Variants in LOXL4 observed in about 807,000 individuals in gnomAD.
LOXL4 encodes the protein lysyl oxidase homolog 4.
LOXL4 carries 72 observed loss-of-function variants against 89.1 expected under a neutral mutation model. The observed-to-expected ratio is 0.81, with a 90% CI of 0.67 to 0.98. LOXL4 has a LOEUF of 0.98. Among genes scored for constraint, LOXL4 ranks in the 50% least tolerant of loss-of-function variants. The probability of loss-of-function intolerance (pLI) is 0.00; values close to 1 mark genes in which losing one functional copy is unlikely to be tolerated. For missense variants in LOXL4, 984 were observed against 1,017.5 expected (o/e 0.97, Z 0.45); for synonymous variants, 355 against 392.1 (o/e 0.91, Z 1.12).
chr10:98,259,551 T>A, intron 4 of LOXL4, 122 bp from the exon 5 acceptor site: 1 of 853,716 alleles, frequency 1.2e-6, no homozygotes, highest in Non-Finnish European at 1.9e-6. Flanking sequence ...ACTTATTCAC[T>A]AATCTGATTT....
chr10:98,265,620 A>G (rs1225358367), intron 1 of LOXL4, among the ~76,000 whole-genome samples: 1 of 137,728 alleles, frequency 7.3e-6, no homozygotes, highest in Non-Finnish European at 1.6e-5. Context: ...CAGTTCTTGA[A>G]CTCCTGACCT....
In LOXL4 at chr10:98,265,306, T is replaced by C. The variant is rs950381421; in HGVS notation, c.-32-2255A>G. Among the ~76,000 whole-genome samples the C allele has an allele frequency of 3.3e-5, 5 of 152,102 alleles. No homozygotes were observed. In the East Asian group the frequency reaches 9.6e-4, roughly 29 times the overall value. The stretch of plus-strand genomic sequence containing the variant: ...TAATAATAGTAACTACCTCATAGGA[T>C]TTTTGTAAAGATTAAGTGAAGAAAC... On this transcript the variant is annotated intron_variant, in intron 1 of 14. Transcript: ENST00000260702.
chr10:98,267,284 C>T (rs1171198773), intron 1 of LOXL4, among the ~76,000 whole-genome samples: 6 of 152,026 alleles, frequency 3.9e-5, no homozygotes, highest in Non-Finnish European at 7.4e-5. Context: ...TGACCCAGGC[C>T]GTGGTGTGAG....
At chr10:98,258,562 C>A (rs1858448791) in intron 6 of LOXL4, among the ~76,000 whole-genome samples, 2 of 151,806 alleles carry the variant, frequency 1.3e-5, no homozygotes, top group African/African-American at 4.8e-5. Flanking sequence ...GTCTGTACCA[C>A]CTCACGAGGC....
intron 14 of LOXL4, among the ~76,000 whole-genome samples, chr10:98,250,100 G>A (rs1858145699): frequency 6.6e-6 from 1 of 152,172 alleles, no homozygotes; most frequent in Non-Finnish European, 1.5e-5. Context: ...GAAAACTCAG[G>A]TCGTGATTTC....
intron 14 of LOXL4, 140 bp downstream of exon 14, chr10:98,250,925 G>T (rs768536931): frequency 2.8e-5 from 18 of 639,064 alleles, no homozygotes; most frequent in African/African-American, 9.1e-5. Flanking sequence ...CAAAGGAAAT[G>T]CATCTCTGTT....
intron 10 of LOXL4, among the ~76,000 whole-genome samples, chr10:98,254,538 G>A (rs933032151): frequency 5.3e-5 from 8 of 152,218 alleles, no homozygotes; most frequent in Non-Finnish European, 7.3e-5. Context: ...GAAAGAAGGC[G>A]AGCTTTCAGA....
chr10:98,264,740 G>A (rs1031011760), intron 1 of LOXL4, among the ~76,000 whole-genome samples: 3 of 152,182 alleles, frequency 2.0e-5, no homozygotes, highest in Non-Finnish European at 2.9e-5. Context: ...TGGAGCCACC[G>A]AAGCTGAAGC....
intron 12 of LOXL4, chr10:98,252,064 C>T: frequency 6.2e-6 from 3 of 483,662 alleles, no homozygotes; most frequent in Non-Finnish European, 1.1e-5. Flanking sequence ...GCAGGCAATG[C>T]TTGCCCTCGG....
intron 8 of LOXL4, 33 bp downstream of exon 8, chr10:98,257,617 C>A: frequency 6.2e-7 from 1 of 1,601,278 alleles, no homozygotes; most frequent in South Asian, 1.1e-5. Context: ...TTCCCGGCCC[C>A]CAGCCTGAGG....
Position 98,248,867 on chromosome 10 carries a change from A to G in LOXL4, c.*54T>C, listed in dbSNP as rs1410992983. ...GGACTCTGTGAAGGGCATGGCTCCAATAAGCTGAGGTATCTGGTGTATCGG... is the reference window on the plus strand; with the variant it reads ...GGACTCTGTGAAGGGCATGGCTCCAGTAAGCTGAGGTATCTGGTGTATCGG... On this transcript the variant is annotated 3_prime_UTR_variant, in exon 15 of 15. Coordinates refer to ENST00000260702, the MANE Select transcript of LOXL4 (RefSeq NM_032211.7). 5.9e-6 allele frequency: 9 copies of G among 1,512,888 alleles called. No individual in the cohort carries two copies. The highest frequency in any genetic ancestry group is 4.1e-5 in the African/African-American group (3 of 73,124). The allele number at this position is 1,512,888 out of a possible 1,614,324, so 93.7% of individuals were successfully genotyped here. A position where few individuals can be genotyped will look rare whatever the true frequency, so the allele number is the denominator to read the frequency against.
intron 8 of LOXL4, 27 bp from the exon 9 acceptor site, chr10:98,256,974 G>C: frequency 6.2e-7 from 1 of 1,608,876 alleles, no homozygotes; most frequent in Non-Finnish European, 8.5e-7. Context: ...TGTGTGAGGA[G>C]TGGGGTAGCC....
chr10:98,248,960 G>T lies in LOXL4; in HGVS notation c.2232C>A (p.Ser744=), dbSNP rs1858112411. The T allele has an allele frequency of 6.2e-7, 1 of 1,614,028 alleles. No homozygotes were observed. Among genetic ancestry groups the T allele is most frequent in the African/African-American group, 1.3e-5 (1 of 75,054 alleles). The change falls in exon 15 of 15, where the codon TCC becomes TCA. Residue 744 remains serine (S), a synonymous_variant. Transcript: ENST00000260702. ...GNSYPANAEL[S]LEQEQRLRNN... The stretch of plus-strand genomic sequence containing the variant: ...TCCTGAGACGCTGTTCCTGCTCCAG[G>T]GAGAGTTCTGCATTGGCTGGGTATG...
intron 10 of LOXL4, 81 bp from the exon 11 acceptor site, chr10:98,253,877 G>A (rs2135828004): frequency 6.4e-7 from 1 of 1,573,774 alleles, no homozygotes. Flanking sequence ...GGGCAAGCTT[G>A]CCCCCAGATT....
intron 4 of LOXL4, 37 bp downstream of exon 4, chr10:98,260,885 C>T (rs774309727): frequency 6.4e-7 from 1 of 1,565,958 alleles, no homozygotes; most frequent in African/African-American, 1.4e-5. Context: ...CCCCACAACC[C>T]TGCCTCCTGT....
intron 11 of LOXL4, among the ~76,000 whole-genome samples, 188 bp from the exon 12 acceptor site, chr10:98,252,656 G>A (rs1322650436): frequency 6.6e-6 from 1 of 152,184 alleles, no homozygotes; most frequent in African/African-American, 2.4e-5. Flanking sequence ...ACCCCTGCCA[G>A]GCAGCAAGTA....
intron 12 of LOXL4, 81 bp downstream of exon 12, chr10:98,252,272 C>T: frequency 9.2e-7 from 1 of 1,085,624 alleles, no homozygotes; most frequent in Non-Finnish European, 1.4e-6. Flanking sequence ...CTGAACAGGG[C>T]AGAGAGAAAG....
Position 98,251,551 on chromosome 10 carries a change from C to A in LOXL4, c.2088+15G>T. 3 of 1,613,208 alleles carry A rather than the reference C, an allele frequency of 1.9e-6. No individual in the cohort carries two copies. Among genetic ancestry groups the A allele is most frequent in the Non-Finnish European group, 2.5e-6 (3 of 1,179,490 alleles). On this transcript the variant is annotated intron_variant, in intron 13 of 14. Coordinates refer to ENST00000260702, the MANE Select transcript of LOXL4 (RefSeq NM_032211.7). ...AGGAAATCAGGCTCTGTGGGGAATCCCCCAGCCGCCTTACCTGGAAGATAT... is the reference window on the plus strand; with the variant it reads ...AGGAAATCAGGCTCTGTGGGGAATCACCCAGCCGCCTTACCTGGAAGATAT...
chr10:98,256,949 T>C lies in LOXL4; in HGVS notation c.1261-2A>G, dbSNP rs1425069009. 3 of 1,613,526 alleles carry C rather than the reference T, an allele frequency of 1.9e-6. No homozygotes were observed. The Admixed American group carries it at 5.0e-5, about 27-fold the overall frequency. On this transcript the variant is annotated splice_acceptor_variant, in intron 8 of 14. Coordinates refer to ENST00000260702, the MANE Select transcript of LOXL4 (RefSeq NM_032211.7). LOFTEE classifies it high-confidence loss of function. ...GATACGCCCACCAGCCAAGCGCACC[T>C]GCAATGGCGAGGGGTGTGTGAGGAG...
Sources: allele counts gnomAD v4.1 joint callset (sites outside exome capture counted in the v4.1 genomes callset), GRCh38; gene constraint gnomAD v4.1.1; transcripts MANE v1.5; gene names NCBI Gene and HGNC (gene_info 2026-07-23, HGNC 2026-07-21).